Variants in AGBL1 observed in about 807,000 individuals in gnomAD.
AGBL1 encodes AGBL carboxypeptidase 1.
Under a neutral mutation model 118.9 loss-of-function variants are expected in AGBL1, and 130 were observed. The ratio of observed to expected loss-of-function variants is 1.09; its 90% confidence interval spans 0.95 to 1.26. The LOEUF (loss-of-function observed/expected upper bound fraction) is 1.26, where lower values mean the gene tolerates loss of function less well. Ranked by LOEUF, AGBL1 falls within the 50% of genes most tolerant of loss-of-function variation. The pLI, the probability that AGBL1 is intolerant of heterozygous loss-of-function variation, is 0.00. For synonymous variants in AGBL1, 555 were observed against 478.9 expected, an observed-to-expected ratio of 1.16 and a Z score of -2.08; for missense variants, 1,584 against 1,298.1, an observed-to-expected ratio of 1.22 and a Z score of -3.38.
intron 17 of AGBL1, among the ~76,000 whole-genome samples, chr15:86,304,401 T>G (rs2141807633): frequency 6.6e-6 from 1 of 152,346 alleles, no homozygotes; most frequent in South Asian, 2.1e-4. Flanking sequence ...TCTTCCCGGA[T>G]CATGATATCT....
At chr15:86,862,626 C>A (rs1374925590) in intron 22 of AGBL1, among the ~76,000 whole-genome samples, 1 of 152,156 alleles carries the variant, frequency 6.6e-6, no homozygotes, top group Admixed American at 6.5e-5. Context: ...AGGGCTGACG[C>A]AGGAGACTCA....
intron 17 of AGBL1, among the ~76,000 whole-genome samples, chr15:86,335,555 G>T (rs548350133): frequency 2.6e-5 from 4 of 152,318 alleles, no homozygotes; most frequent in Admixed American, 2.6e-4. Context: ...AAATCCTTAA[G>T]TTGAGGATAG....
intron 23 of AGBL1, among the ~76,000 whole-genome samples, chr15:86,921,276 T>C (rs1219514851): frequency 1.3e-5 from 2 of 152,110 alleles, no homozygotes; most frequent in African/African-American, 4.8e-5. Flanking sequence ...GGATGGGACT[T>C]CCTCCAGGCT....
chr15:86,126,344 T>C (rs1366442732), intron 1 of AGBL1, among the ~76,000 whole-genome samples: 1 of 152,216 alleles, frequency 6.6e-6, no homozygotes, highest in Non-Finnish European at 1.5e-5. Flanking sequence ...TGGTAAAGAC[T>C]GAAGAACCTG....
chr15:86,826,408 T>C (rs938922798), intron 22 of AGBL1, among the ~76,000 whole-genome samples: 3 of 152,070 alleles, frequency 2.0e-5, no homozygotes, highest in African/African-American at 4.8e-5. Flanking sequence ...AATATTAGAA[T>C]TGATTTATTA....
intron 18 of AGBL1, among the ~76,000 whole-genome samples, chr15:86,435,094 G>C (rs541657567): frequency 1.2e-3 from 178 of 152,256 alleles, no homozygotes; most frequent in African/African-American, 4.2e-3. Context: ...CAACTCAGAT[G>C]GTTCTTTTCA....
intron 3 of AGBL1, among the ~76,000 whole-genome samples, chr15:86,148,333 A>T (rs1461201172): frequency 6.6e-6 from 1 of 152,174 alleles, no homozygotes; most frequent in African/African-American, 2.4e-5. Context: ...AACTTTTCTG[A>T]GGTAAAGAAG....
intron 17 of AGBL1, among the ~76,000 whole-genome samples, chr15:86,339,442 A>G (rs916180563): frequency 2.0e-5 from 3 of 152,094 alleles, no homozygotes; most frequent in Non-Finnish European, 4.4e-5. Context: ...TGGCTCCACC[A>G]TCTTTCTCCT....
At chr15:86,318,739 A>ATTTGT (rs2080058491) in intron 17 of AGBL1, among the ~76,000 whole-genome samples, 1 of 108,718 alleles carries the variant, frequency 9.2e-6, no homozygotes, top group Admixed American at 1.4e-4. Context: ...ATTGGTCAGG[A>ATTTGT]TTTGTAAGCC....
intron 22 of AGBL1, among the ~76,000 whole-genome samples, chr15:86,864,667 T>C (rs1166745297): frequency 6.6e-6 from 1 of 152,168 alleles, no homozygotes; most frequent in Non-Finnish European, 1.5e-5. Context: ...CATGACTCTT[T>C]CATGAATGTT....
chr15:86,984,500 C>T (rs941376239), intron 23 of AGBL1, among the ~76,000 whole-genome samples: 1 of 151,446 alleles, frequency 6.6e-6, no homozygotes, highest in Non-Finnish European at 1.5e-5. Flanking sequence ...CAAGTAGCTG[C>T]GGTTGCAGGC....
At chr15:87,006,155 G>T (rs1479786772) in intron 24 of AGBL1, among the ~76,000 whole-genome samples, 1 of 152,236 alleles carries the variant, frequency 6.6e-6, no homozygotes, top group Non-Finnish European at 1.5e-5. Flanking sequence ...ACCCACTTGA[G>T]GAGGCAGTCT....
chr15:87,021,220 C>T (rs1463315730), intron 24 of AGBL1, among the ~76,000 whole-genome samples: 7 of 151,998 alleles, frequency 4.6e-5, no homozygotes, highest in Non-Finnish European at 7.4e-5. Flanking sequence ...CTTTGACAAA[C>T]CCGACAAATC....
At chr15:86,551,790 T>G (rs1266712842) in intron 20 of AGBL1, among the ~76,000 whole-genome samples, 4 of 151,952 alleles carry the variant, frequency 2.6e-5, no homozygotes, top group Non-Finnish European at 5.9e-5. Flanking sequence ...AAACAGACAA[T>G]AGTATTATTC....
intron 18 of AGBL1, among the ~76,000 whole-genome samples, chr15:86,451,126 T>C (rs2082187228): frequency 6.6e-6 from 1 of 152,240 alleles, no homozygotes; most frequent in African/African-American, 2.4e-5. Context: ...AACATTTTTG[T>C]ATGCCTTGAG....
intron 18 of AGBL1, among the ~76,000 whole-genome samples, chr15:86,464,980 T>G (rs1296298910): frequency 6.6e-6 from 1 of 152,116 alleles, no homozygotes; most frequent in East Asian, 1.9e-4. Flanking sequence ...TTCTCCTGGA[T>G]AATATCCTGA....
At chr15:86,402,020 G>T (rs938525428) in intron 18 of AGBL1, among the ~76,000 whole-genome samples, 1 of 150,166 alleles carries the variant, frequency 6.7e-6, no homozygotes, top group African/African-American at 2.5e-5. Flanking sequence ...ATTACATTGA[G>T]TCTGTAGACT....
rs777506585 is a variant in AGBL1 at position 86,143,685 on chromosome 15, C to T, written c.116-14C>T. 1.0e-4 allele frequency: 163 copies of T among 1,611,658 alleles called. No individual in the cohort carries two copies. The highest frequency in any genetic ancestry group is 6.6e-4 in the Middle Eastern group (4 of 6,070). On this transcript the variant is annotated splice_polypyrimidine_tract_variant and intron_variant, in intron 2 of 22. Transcript: ENST00000614907. Reference sequence around the variant, plus strand: ...TATTACTTGTGGCTCATCTTTCCTCCGGTTTCCCCTCAGGCACAGACCGGA... The same window carrying T: ...TATTACTTGTGGCTCATCTTTCCTCTGGTTTCCCCTCAGGCACAGACCGGA...
At chr15:86,851,029 G>A (rs964061466) in intron 22 of AGBL1, among the ~76,000 whole-genome samples, 2 of 152,038 alleles carry the variant, frequency 1.3e-5, no homozygotes, top group Admixed American at 6.6e-5. Context: ...GAGGCTTTTT[G>A]GTCAATTATT....
Sources: gnomAD v4.1 joint callset for allele counts (sites outside exome capture counted in the v4.1 genomes callset) on GRCh38, gnomAD v4.1.1 for gene constraint, MANE v1.5 for transcripts, NCBI Gene and HGNC (gene_info 2026-07-23, HGNC 2026-07-21) for gene names.